The following SLC4A4 variants were observed in gnomAD, a reference collection of about 807,000 sequenced individuals.
SLC4A4 encodes electrogenic sodium bicarbonate cotransporter 1.
Under a neutral mutation model 111.5 loss-of-function variants are expected in SLC4A4, and 27 were observed. The observed-to-expected ratio is 0.24, with a 90% confidence interval of 0.18 to 0.33. SLC4A4 has a LOEUF of 0.33. Among genes scored for constraint, SLC4A4 ranks in the 10% least tolerant of loss-of-function variants. The pLI is 1.00. For missense variants in SLC4A4, 909 were observed against 1,315.5 expected, an observed-to-expected ratio of 0.69 and a Z score of 4.78; for synonymous variants, 443 against 463.4, an observed-to-expected ratio of 0.96 and a Z score of 0.57.
At chr4:71,259,545 A>G (rs551836941) in intron 3 of SLC4A4, among the ~76,000 whole-genome samples, 1 of 151,990 alleles carries the variant, frequency 6.6e-6, no homozygotes, top group African/African-American at 2.4e-5. Flanking sequence ...AGGAGAGACA[A>G]GGGAATGAGG....
chr4:71,178,932 G>A (rs1745190622), intron 2 of SLC4A4, among the ~76,000 whole-genome samples: 1 of 152,152 alleles, frequency 6.6e-6, no homozygotes, highest in Non-Finnish European at 1.5e-5. Context: ...TATCCCTGAT[G>A]AACATCGATG....
chr4:71,167,062 G>A (rs935693021), intron 2 of SLC4A4, among the ~76,000 whole-genome samples: 1 of 152,098 alleles, frequency 6.6e-6, no homozygotes, highest in Admixed American at 6.5e-5. Flanking sequence ...CAGAAAAATG[G>A]CTTGCTTATT....
intron 2 of SLC4A4, among the ~76,000 whole-genome samples, chr4:71,241,039 A>G (rs1384330985): frequency 1.3e-5 from 2 of 152,088 alleles, no homozygotes; most frequent in African/African-American, 4.8e-5. Context: ...GAATCGTTTG[A>G]GCCCAGGAGA....
chr4:71,254,791 T>C lies in SLC4A4; in HGVS notation c.74-429T>C, dbSNP rs142684620. 8.6e-3 allele frequency among the ~76,000 whole-genome samples: 1,316 copies of C among 152,232 alleles called. 9 individuals carry two copies. The highest frequency in any genetic ancestry group is 0.013 in the Non-Finnish European group (917 of 67,996). The stretch of plus-strand genomic sequence containing the variant: ...CCTACCCAGTATAATCATAGACTCA[T>C]GTAAGGCTGAAACTGGAGGGCCCTC... On this transcript the variant is annotated intron_variant, in intron 2 of 25. Coordinates refer to ENST00000264485, the MANE Select transcript of SLC4A4 (RefSeq NM_001098484.3).
chr4:71,413,603 A>G (rs1237349342), intron 7 of SLC4A4, among the ~76,000 whole-genome samples: 1 of 152,210 alleles, frequency 6.6e-6, no homozygotes, highest in Non-Finnish European at 1.5e-5. Flanking sequence ...TGAAAAAAAG[A>G]AAAGTATTTT....
intron 20 of SLC4A4, among the ~76,000 whole-genome samples, chr4:71,554,549 A>T (rs1254189794): frequency 6.6e-6 from 1 of 151,894 alleles, no homozygotes; most frequent in Non-Finnish European, 1.5e-5. Context: ...GTGTGTAATT[A>T]ATTGCTTCCA....
chr4:71,093,154 T>G (rs1211795920), intron 2 of SLC4A4, among the ~76,000 whole-genome samples: 1 of 151,992 alleles, frequency 6.6e-6, no homozygotes, highest in Admixed American at 6.6e-5. Flanking sequence ...TTTGACCTCT[T>G]TTGTTTTTTC....
chr4:71,447,785 A>G, intron 9 of SLC4A4, 52 bp downstream of exon 9: 2 of 1,142,538 alleles, frequency 1.8e-6, no homozygotes, highest in Non-Finnish European at 2.6e-6. Flanking sequence ...GTTTGTTGTC[A>G]TACTGTGAAT....
intron 4 of SLC4A4, among the ~76,000 whole-genome samples, chr4:71,345,868 T>G (rs1729285102): frequency 1.3e-5 from 2 of 152,230 alleles, no homozygotes; most frequent in South Asian, 2.1e-4. Flanking sequence ...TACAATAACT[T>G]TAATAGTGGA....
At chr4:71,373,060 ATAAT>A (rs906493094) in intron 6 of SLC4A4, among the ~76,000 whole-genome samples, 6 of 152,200 alleles carry the variant, frequency 3.9e-5, no homozygotes, top group Non-Finnish European at 8.8e-5. Context: ...TTAAAATTAC[ATAAT>A]TTTTCTCTGG....
chr4:71,074,708 AAAAATGAAGGAAG>A (rs879843210), intron 1 of SLC4A4, among the ~76,000 whole-genome samples: 18 of 151,972 alleles, frequency 1.2e-4, no homozygotes, highest in Non-Finnish European at 2.4e-4. Context: ...AAGCAAAAAG[AAAAATGAAGGAAG>A]AAAATAAAGG....
intron 1 of SLC4A4, among the ~76,000 whole-genome samples, chr4:71,195,115 G>A (rs1482571392): frequency 1.3e-5 from 2 of 151,400 alleles, no homozygotes; most frequent in African/African-American, 4.9e-5. Context: ...ATAACAGTAG[G>A]TATCCCTTTG....
rs960929733 is a variant in SLC4A4 at position 71,483,210 on chromosome 4, G to C, written c.1904-3738G>C. On this transcript the variant is annotated intron_variant, in intron 14 of 25. Coordinates refer to ENST00000264485, the MANE Select transcript of SLC4A4 (RefSeq NM_001098484.3). ...CATTTAAGTTCGGGATACATGTGCA[G>C]GTTTGTTACATAGCTATATGTGTGC... 3.3e-5 allele frequency among the ~76,000 whole-genome samples: 5 copies of C among 151,582 alleles called. No individual in the cohort carries two copies. In the East Asian group the frequency reaches 9.8e-4, roughly 30 times the overall value.
At chr4:71,347,472 G>T (rs1355361235) in intron 4 of SLC4A4, among the ~76,000 whole-genome samples, 1 of 152,092 alleles carries the variant, frequency 6.6e-6, no homozygotes, top group Admixed American at 6.6e-5. Context: ...CTCACACATG[G>T]CACCATATCA....
intron 3 of SLC4A4, among the ~76,000 whole-genome samples, chr4:71,283,691 A>T (rs958395605): frequency 2.6e-5 from 4 of 152,174 alleles, no homozygotes; most frequent in African/African-American, 9.7e-5. Flanking sequence ...ATTGCTATTT[A>T]CAGAAATGGG....
chr4:71,386,860 T>C (rs772449072), intron 6 of SLC4A4, among the ~76,000 whole-genome samples: 4 of 152,230 alleles, frequency 2.6e-5, no homozygotes, highest in Non-Finnish European at 4.4e-5. Context: ...TGGTGCTCAA[T>C]TGTACATTTG....
chr4:71,307,375 C>T (rs1421202195), intron 3 of SLC4A4, among the ~76,000 whole-genome samples: 1 of 152,130 alleles, frequency 6.6e-6, no homozygotes, highest in East Asian at 1.9e-4. Flanking sequence ...TAAGGTGAAT[C>T]GCTGATGAGA....
intron 1 of SLC4A4, 38 bp downstream of exon 1, chr4:71,187,439 T>TG (rs1745522806): frequency 1.3e-5 from 2 of 151,910 alleles, no homozygotes; most frequent in Admixed American, 6.6e-5. Context: ...GGAGGGTCGA[T>TG]GGGGTCCCTC....
chr4:71,205,413 C>T (rs4694094), intron 1 of SLC4A4, among the ~76,000 whole-genome samples: 18,101 of 151,974 alleles, frequency 0.12, 1,766 homozygotes, highest in African/African-American at 0.25. Flanking sequence ...GAGGTAAGGC[C>T]CCCCCATCCC....
Sources: gnomAD v4.1 joint callset for allele counts (sites outside exome capture counted in the v4.1 genomes callset) on GRCh38, gnomAD v4.1.1 for gene constraint, MANE v1.5 for transcripts, NCBI Gene and HGNC (gene_info 2026-07-23, HGNC 2026-07-21) for gene names.